Variants in SYN2 observed in about 807,000 individuals in gnomAD.
SYN2 encodes synapsin-2.
SYN2 carries 19 observed loss-of-function variants against 50.9 expected under a neutral mutation model. The ratio of observed to expected loss-of-function variants is 0.37; its 90% CI spans 0.26 to 0.55. The LOEUF is 0.55. Among genes scored for constraint, SYN2 ranks in the 20% least tolerant of loss-of-function variants. The probability of loss-of-function intolerance (pLI) is 0.81; values close to 1 mark genes in which losing one functional copy is unlikely to be tolerated. For missense variants in SYN2, 587 were observed against 576.4 expected, an observed-to-expected ratio of 1.02 and a Z score of -0.19; for synonymous variants, 255 against 224.9, an observed-to-expected ratio of 1.13 and a Z score of -1.20.
intron 10 of SYN2, among the ~76,000 whole-genome samples, chr3:12,180,305 G>A (rs1220781254): frequency 1.3e-5 from 2 of 151,882 alleles, no homozygotes; most frequent in African/African-American, 4.8e-5. Flanking sequence ...TTTGTGTACA[G>A]CTAGGCACAA....
At chr3:12,158,785 G>A (rs200818687) in intron 5 of SYN2, 8 of 1,603,080 alleles carry the variant, frequency 5.0e-6, no homozygotes, top group Middle Eastern at 1.7e-4. Flanking sequence ...CCGCAGCAAC[G>A]CCAGCAGCCG....
chr3:12,094,278 G>A (rs191322045), intron 1 of SYN2, among the ~76,000 whole-genome samples: 4 of 152,258 alleles, frequency 2.6e-5, no homozygotes, highest in East Asian at 3.9e-4. Context: ...TGTTGATTTC[G>A]TAATCCTAGT....
chr3:12,112,660 G>A (rs1434605852), intron 1 of SYN2, among the ~76,000 whole-genome samples: 1 of 152,086 alleles, frequency 6.6e-6, no homozygotes, highest in Non-Finnish European at 1.5e-5. Context: ...CTAGATGAGG[G>A]CTCTAAAACC....
At chr3:12,113,231 G>C (rs1051641804) in intron 1 of SYN2, among the ~76,000 whole-genome samples, 1 of 152,066 alleles carries the variant, frequency 6.6e-6, no homozygotes, top group African/African-American at 2.4e-5. Flanking sequence ...TATTCCTAAG[G>C]AGAAGAGTGT....
chr3:12,060,192 G>T (rs1695083724), intron 1 of SYN2, among the ~76,000 whole-genome samples: 1 of 152,138 alleles, frequency 6.6e-6, no homozygotes, highest in Non-Finnish European at 1.5e-5. Context: ...AAACTCCTGG[G>T]TCTGTAGTCT....
chr3:12,190,157 A>C (rs1013317578), intron 12 of SYN2, among the ~76,000 whole-genome samples: 2 of 152,214 alleles, frequency 1.3e-5, no homozygotes, highest in Non-Finnish European at 2.9e-5. Flanking sequence ...CCAAGTTGGG[A>C]TCTGTGAAAT....
intron 1 of SYN2, among the ~76,000 whole-genome samples, chr3:12,102,675 T>C (rs1219653648): frequency 6.6e-6 from 1 of 152,196 alleles, no homozygotes; most frequent in Non-Finnish European, 1.5e-5. Flanking sequence ...TAATGTGATA[T>C]AATCAGGCCA....
At chr3:12,071,027 T>G (rs1337484573) in intron 1 of SYN2, 1 of 558,094 alleles carries the variant, frequency 1.8e-6, no homozygotes, top group Admixed American at 1.9e-5. Context: ...CTGTTATAGC[T>G]TTCCTTCCTG....
At chr3:12,187,096 C>T (rs1399454631) in intron 11 of SYN2, among the ~76,000 whole-genome samples, 1 of 152,160 alleles carries the variant, frequency 6.6e-6, no homozygotes, top group African/African-American at 2.4e-5. Context: ...TGAGAGAGTG[C>T]GCCTCTGACG....
chr3:12,029,839 T>C (rs1694342373), intron 1 of SYN2, among the ~76,000 whole-genome samples: 1 of 99,422 alleles, frequency 1.0e-5, no homozygotes, highest in Admixed American at 1.2e-4. Context: ...ACAATTTGAC[T>C]TCCTCTTTTC....
chr3:12,188,899 T>C (rs1222215386), intron 12 of SYN2, among the ~76,000 whole-genome samples: 4 of 152,158 alleles, frequency 2.6e-5, no homozygotes, highest in Admixed American at 1.3e-4. Flanking sequence ...GATCCTTGGA[T>C]TGTCACTGCC....
intron 1 of SYN2, among the ~76,000 whole-genome samples, chr3:12,054,100 G>A (rs892098438): frequency 6.6e-6 from 1 of 152,180 alleles, no homozygotes; most frequent in African/African-American, 2.4e-5. Flanking sequence ...ACAACAGGCA[G>A]TGAAGAGATA....
intron 1 of SYN2, among the ~76,000 whole-genome samples, chr3:12,107,654 A>G (rs1696223700): frequency 6.6e-6 from 1 of 152,190 alleles, no homozygotes; most frequent in African/African-American, 2.4e-5. Flanking sequence ...CTGTAATTCT[A>G]GCACTTTGGG....
intron 1 of SYN2, among the ~76,000 whole-genome samples, chr3:12,106,209 T>C (rs1696186256): frequency 6.6e-6 from 1 of 152,218 alleles, no homozygotes; most frequent in East Asian, 1.9e-4. Flanking sequence ...TGTGGCCTTC[T>C]CAATCTTTAA....
intron 11 of SYN2, chr3:12,183,966 C>T (rs1698284889): frequency 2.0e-6 from 2 of 986,456 alleles, no homozygotes; most frequent in African/African-American, 1.7e-5. Context: ...CTAGATAGAA[C>T]ATTAAGAGAT....
At chr3:12,013,942 A>G (rs969993401) in intron 1 of SYN2, among the ~76,000 whole-genome samples, 12 of 152,092 alleles carry the variant, frequency 7.9e-5, no homozygotes, top group Admixed American at 7.2e-4. Flanking sequence ...ACTGTCTGCT[A>G]CTACAGTTTC....
chr3:12,086,005 GACTA>G (rs1203525663), intron 1 of SYN2, among the ~76,000 whole-genome samples: 6 of 152,064 alleles, frequency 3.9e-5, no homozygotes, highest in Non-Finnish European at 8.8e-5. Context: ...ATTTTAGCTA[GACTA>G]ACAAAGAAAA....
chr3:12,098,883 T>TAAC lies in SYN2; in HGVS notation c.378-41768_378-41767insAAC, dbSNP rs1574939607. ...TATATATATATATATATATATATAATGCAAATAGTAACCAAAAGAGAGTTG... is the reference window on the plus strand; with the variant it reads ...TATATATATATATATATATATATAATAACGCAAATAGTAACCAAAAGAGAGTTG... On this transcript the variant is annotated intron_variant, in intron 1 of 12. Coordinates refer to ENST00000621198, the MANE Select transcript of SYN2 (RefSeq NM_133625.6). Among the ~76,000 whole-genome samples the TAAC allele has an allele frequency of 1.8e-4, 17 of 93,326 alleles. No individual in the cohort carries two copies. In the East Asian group the frequency reaches 7.4e-3, roughly 41 times the overall value. 61.2% of individuals were successfully genotyped at this position (93,326 alleles called of 152,430 possible).
chr3:12,009,918 A>C (rs1158991966), intron 1 of SYN2, among the ~76,000 whole-genome samples: 3 of 152,074 alleles, frequency 2.0e-5, no homozygotes, highest in Non-Finnish European at 4.4e-5. Context: ...AACACGGTGA[A>C]ACCCCGTCTC....
Sources: gnomAD v4.1 joint callset for allele counts (sites outside exome capture counted in the v4.1 genomes callset) on GRCh38, gnomAD v4.1.1 for gene constraint, MANE v1.5 for transcripts, NCBI Gene and HGNC (gene_info 2026-07-23, HGNC 2026-07-21) for gene names.